Variants in PTPA observed in about 807,000 individuals in gnomAD.
The protein encoded by PTPA is protein phosphatase 2 phosphatase activator.
PTPA carries 13 observed loss-of-function variants against 43.6 expected under a neutral mutation model. That is an observed-to-expected ratio of 0.30 (90% CI 0.19 to 0.47). The LOEUF (loss-of-function observed/expected upper bound fraction) is 0.47. PTPA is among the 20% of genes least tolerant of loss of function. The probability of loss-of-function intolerance (pLI) is 0.99; values close to 1 mark genes in which losing one functional copy is unlikely to be tolerated. For synonymous variants in PTPA, 172 were observed against 158.2 expected (o/e 1.09, Z -0.66); for missense variants, 329 against 411.9 (o/e 0.80, Z 1.74).
intron 3 of PTPA, among the ~76,000 whole-genome samples, chr9:129,123,881 C>G (rs1849413388): frequency 6.6e-6 from 1 of 152,012 alleles, no homozygotes; most frequent in Non-Finnish European, 1.5e-5. Flanking sequence ...CGGGGTTTCT[C>G]CATGTTGGTC....
In PTPA at chr9:129,134,296, CTTTTTTTTTTTTTTTT is replaced by C. The variant is rs68089837; in HGVS notation, c.461-486_461-471del. On this transcript the variant is annotated intron_variant, in intron 5 of 9. Transcript: ENST00000393370. The stretch of plus-strand genomic sequence containing the variant: ...GAGTGGAATTATAGTACTGGTAGTT[CTTTTTTTTTTTTTTTT>C]TTTTTTTTTTTTGAGACAGTCTCAC... 2.3e-4 allele frequency among the ~76,000 whole-genome samples: 13 copies of C among 56,886 alleles called. No homozygotes were observed. The Admixed American group carries it at 2.7e-3, about 12-fold the overall frequency. The allele number at this position is 56,886 out of a possible 152,430, so 37.3% of individuals were successfully genotyped here.
Position 129,142,427 on chromosome 9 carries a change from G to T in PTPA, c.787-18G>T, listed in dbSNP as rs756778069. 28 of 1,553,198 alleles carry T rather than the reference G, an allele frequency of 1.8e-5. No homozygotes were observed. The highest frequency in any genetic ancestry group is 2.3e-5 in the Non-Finnish European group (26 of 1,146,472). ...CAGCCAGAACCTGTCTCTTCAGCTT[G>T]TGGCTTCTCTTTTTCAGATGAAGAC... On this transcript the variant is annotated intron_variant, in intron 8 of 9. Transcript: ENST00000393370.
intron 8 of PTPA, among the ~76,000 whole-genome samples, chr9:129,140,454 G>T (rs1181511597): frequency 6.6e-6 from 1 of 152,214 alleles, no homozygotes; most frequent in East Asian, 1.9e-4. Context: ...GCCTTTCTGT[G>T]TGTAGGGGCC....
At chr9:129,147,245 G>A in intron 9 of PTPA, 142 bp from the exon 10 acceptor site, 3 of 701,272 alleles carry the variant, frequency 4.3e-6, no homozygotes, top group South Asian at 1.7e-5. Context: ...TGAGGAACTG[G>A]GGGAGGAAGG....
At chr9:129,140,726 G>A (rs937734985) in intron 8 of PTPA, among the ~76,000 whole-genome samples, 1 of 146,356 alleles carries the variant, frequency 6.8e-6, no homozygotes, top group Non-Finnish European at 1.5e-5. Context: ...ACAGCTCCAT[G>A]CTCCCTGAGC....
chr9:129,128,070 T>C, intron 3 of PTPA: 2 of 1,324,704 alleles, frequency 1.5e-6, no homozygotes, highest in South Asian at 2.4e-5. Context: ...CCTTCGGAGG[T>C]ATTTATCATC....
chr9:129,131,564 G>T lies in PTPA; in HGVS notation c.385G>T (p.Ala129Ser). The T allele has an allele frequency of 6.2e-7, 1 of 1,614,106 alleles. No individual in the cohort carries two copies. The highest frequency in any genetic ancestry group is 8.5e-7 in the Non-Finnish European group (1 of 1,180,036). ...LVATVVPTHL[A>S]AAVPEVAVYL... ...GGCCACAGTGGTCCCTACCCATCTG[G>T]CAGCTGCTGTGCCTGAGGTGGCTGT... Residue 129 changes from alanine (A) to serine (S), a missense_variant, in exon 5 of 10, where the codon GCA (alanine) becomes TCA (serine). Transcript: ENST00000393370.
chr9:129,147,779 T>TC lies in PTPA; in HGVS notation c.*316dup, dbSNP rs1437971534. On this transcript the variant is annotated 3_prime_UTR_variant, in exon 10 of 10. Coordinates refer to ENST00000393370, the MANE Select transcript of PTPA (RefSeq NM_178000.3). ...CTCTTCTCCCTTCACTCCCGTCCAG[T>TC]CTGGTTTTGAGAGCAGGGGCTGTTC... 2.8e-6 allele frequency: 1 copy of TC among 356,742 alleles called. No homozygotes were observed. The highest frequency in any genetic ancestry group is 5.3e-6 in the Non-Finnish European group (1 of 187,698). The allele number at this position is 356,742 out of a possible 1,614,324, so 22.1% of individuals were successfully genotyped here. A position where few individuals can be genotyped will look rare whatever the true frequency, so the allele number is the denominator to read the frequency against.
intron 4 of PTPA, among the ~76,000 whole-genome samples, chr9:129,130,467 C>T (rs896187287): frequency 3.3e-5 from 5 of 150,652 alleles, no homozygotes; most frequent in African/African-American, 4.9e-5. Flanking sequence ...GATCTCAGCT[C>T]CCTGCAGCCT....
At position 129,125,877 on chromosome 9, in the gene PTPA, G is replaced by A. The variant is rs146909359; in HGVS notation, c.216+2739G>A. Among the ~76,000 whole-genome samples the A allele has an allele frequency of 4.9e-4, 75 of 152,290 alleles. 1 individual carries two copies. The highest frequency in any genetic ancestry group is 1.7e-3 in the African/African-American group (72 of 41,566). On this transcript the variant is annotated intron_variant, in intron 3 of 9. Transcript: ENST00000393370. ...AGAAAGCTAGCTTTTGGCTGGGCGC[G>A]GTGGCTCATGACTGTAATCCTAGCA...
At chr9:129,146,604 A>G (rs1356541044) in intron 9 of PTPA, among the ~76,000 whole-genome samples, 2 of 152,208 alleles carry the variant, frequency 1.3e-5, no homozygotes, top group East Asian at 1.9e-4. Context: ...CAACCCTCGC[A>G]TGCCCAGAAC....
intron 9 of PTPA, chr9:129,143,291 C>T (rs1474647518): frequency 2.8e-6 from 2 of 702,822 alleles, no homozygotes; most frequent in African/African-American, 3.5e-5. Flanking sequence ...TCTAGAACTG[C>T]TTGACCTTGG....
chr9:129,113,762 CGA>C lies in PTPA; in HGVS notation c.31+2137_31+2138del, dbSNP rs929559990. Among the ~76,000 whole-genome samples the C allele has an allele frequency of 1.9e-4, 29 of 152,036 alleles. 1 individual carries two copies. Among genetic ancestry groups the C allele is most frequent in the Middle Eastern group, 3.4e-3 (1 of 292 alleles). Reference sequence around the variant, plus strand: ...TCCAGCCACTGCACCCCAGCCTGGGCGAGAGAGCTAGACTCCATCTCAAAAAA... The same window carrying C: ...TCCAGCCACTGCACCCCAGCCTGGGCGAGAGCTAGACTCCATCTCAAAAAA... On this transcript the variant is annotated intron_variant, in intron 1 of 9. Coordinates refer to ENST00000393370, the MANE Select transcript of PTPA (RefSeq NM_178000.3).
intron 4 of PTPA, among the ~76,000 whole-genome samples, chr9:129,130,036 G>T (rs1564192327): frequency 6.6e-6 from 1 of 152,160 alleles, no homozygotes; most frequent in Non-Finnish European, 1.5e-5. Context: ...CACCCACTTG[G>T]AATGCTAGCT....
At chr9:129,128,362 C>T (rs914357075) in intron 3 of PTPA, among the ~76,000 whole-genome samples, 5 of 151,932 alleles carry the variant, frequency 3.3e-5, no homozygotes, top group Middle Eastern at 3.2e-3. Context: ...ATGGAGAAAC[C>T]CCATCTCTAC....
rs776458060 is a variant in PTPA, at chr9:129,134,845, G to T, written c.511G>T (p.Val171Leu). Residue 171 changes from valine to leucine, a missense_variant, in exon 6 of 10, where the codon GTG becomes TTG. Transcript: ENST00000393370. ...AFLCCLCKIG[V>L]LRVDDQIAIV... ...CCTCTGCTGTCTCTGCAAGATTGGG[G>T]TGCTCCGGGTGGATGACCAAATAGC... 3.7e-6 allele frequency: 6 copies of T among 1,613,974 alleles called. No individual in the cohort carries two copies. The Admixed American group carries it at 5.0e-5, about 13-fold the overall frequency.
chr9:129,131,766 T>C (rs181349856), intron 5 of PTPA, 127 bp downstream of exon 5: 67 of 926,546 alleles, frequency 7.2e-5, no homozygotes, highest in African/African-American at 1.1e-4. Flanking sequence ...CTGCAACCTA[T>C]TGGGGCCAGC....
At chr9:129,120,475 C>G (rs780195254) in intron 1 of PTPA, 38 bp from the exon 2 acceptor site, 53 of 1,418,834 alleles carry the variant, frequency 3.7e-5, no homozygotes, top group Admixed American at 5.3e-5. Flanking sequence ...GGGGAGGATT[C>G]TATTTATCTG....
chr9:129,120,074 A>G (rs991205249), intron 1 of PTPA, among the ~76,000 whole-genome samples: 3 of 152,178 alleles, frequency 2.0e-5, no homozygotes, highest in Admixed American at 6.5e-5. Flanking sequence ...CCTGGCCAAC[A>G]TGGTGAAACC....
Sources: gnomAD v4.1 joint callset for allele counts (sites outside exome capture counted in the v4.1 genomes callset) on GRCh38, gnomAD v4.1.1 for gene constraint, MANE v1.5 for transcripts, NCBI Gene and HGNC (gene_info 2026-07-23, HGNC 2026-07-21) for gene names.